Variants in LRBA observed in about 807,000 individuals in gnomAD.
LRBA encodes the protein lipopolysaccharide-responsive and beige-like anchor protein.
LRBA carries 176 observed loss-of-function variants against 330.0 expected under a neutral mutation model. The observed-to-expected ratio is 0.53, with a 90% CI of 0.47 to 0.60. The LOEUF (loss-of-function observed/expected upper bound fraction) is 0.60. LRBA is among the 20% of genes least tolerant of loss of function. The pLI is 0.00. For missense variants in LRBA, 3,259 were observed against 3,444.8 expected (o/e 0.95, Z 1.35); for synonymous variants, 1,230 against 1,193.0 (o/e 1.03, Z -0.64).
intron 34 of LRBA, among the ~76,000 whole-genome samples, chr4:150,786,673 A>G (rs1277267825): frequency 6.6e-6 from 1 of 152,176 alleles, no homozygotes; most frequent in East Asian, 1.9e-4. Context: ...CAATGATTTT[A>G]TCCCCAAACT....
At chr4:150,504,195 C>T (rs930522766) in intron 40 of LRBA, among the ~76,000 whole-genome samples, 1 of 152,152 alleles carries the variant, frequency 6.6e-6, no homozygotes, top group African/African-American at 2.4e-5. Flanking sequence ...AGAACTTCCC[C>T]AATCTAGCAA....
At chr4:150,777,686 C>T (rs545978035) in intron 34 of LRBA, among the ~76,000 whole-genome samples, 1 of 152,078 alleles carries the variant, frequency 6.6e-6, no homozygotes, top group South Asian at 2.1e-4. Context: ...AAGGTCAAAA[C>T]TAGGCAAAAC....
Position 150,828,180 on chromosome 4 carries a change from C to G in LRBA, c.5171G>C (p.Arg1724Thr), listed in dbSNP as rs1461285168. 6.2e-7 allele frequency: 1 copy of G among 1,613,000 alleles called. No homozygotes were observed. The highest frequency in any genetic ancestry group is 1.1e-5 in the South Asian group (1 of 91,010). ...EQPVQFRSFD[R>T]SVIVAAKKSA... The stretch of plus-strand genomic sequence containing the variant: ...CAAAACGAAAAACTATTATCAGTAC[C>G]TGTCAAAAGATCTGAACTGCACGGG... The change falls in exon 30 of 57, where the codon AGA (arginine) becomes ACA (threonine). Residue 1724 changes from arginine (R) to threonine (T), a missense_variant and splice_region_variant. By Grantham distance (71) the Arg-to-Thr change is moderately conservative. Transcript: ENST00000651943.
At chr4:150,582,634 T>G (rs2126386599) in intron 40 of LRBA, 1 of 177,142 alleles carries the variant, frequency 5.6e-6, no homozygotes, top group African/African-American at 2.4e-5. Flanking sequence ...CTGGACAATC[T>G]CGGCTGCAGA....
chr4:150,844,004 T>C (rs939270545), intron 28 of LRBA, 96 bp downstream of exon 28: 12 of 702,292 alleles, frequency 1.7e-5, no homozygotes, highest in Non-Finnish European at 2.9e-5. Context: ...TGCTCCACTA[T>C]TTGATATCAC....
intron 28 of LRBA, 77 bp from the exon 29 acceptor site, chr4:150,832,053 T>C (rs972119112): frequency 2.4e-6 from 2 of 833,942 alleles, no homozygotes; most frequent in Non-Finnish European, 3.5e-6. Flanking sequence ...AATGTTTAAA[T>C]ACAAAACATG....
intron 40 of LRBA, among the ~76,000 whole-genome samples, chr4:150,508,295 T>C (rs1761401954): frequency 6.6e-6 from 1 of 151,242 alleles, no homozygotes; most frequent in South Asian, 2.1e-4. Flanking sequence ...TTGTTTTGTT[T>C]TTTTTGAGAC....
chr4:150,974,908 A>C (rs1439611372), intron 2 of LRBA, among the ~76,000 whole-genome samples: 1 of 152,216 alleles, frequency 6.6e-6, no homozygotes, highest in Non-Finnish European at 1.5e-5. Flanking sequence ...TTGAAAACTG[A>C]ACTGATATTG....
At chr4:151,003,225 T>C (rs767134011) in intron 2 of LRBA, among the ~76,000 whole-genome samples, 1 of 151,708 alleles carries the variant, frequency 6.6e-6, no homozygotes, top group Non-Finnish European at 1.5e-5. Context: ...TGAAACCCCA[T>C]TTCCACTAAA....
At chr4:150,772,829 T>G (rs1736768256) in intron 34 of LRBA, among the ~76,000 whole-genome samples, 1 of 152,016 alleles carries the variant, frequency 6.6e-6, no homozygotes, top group Non-Finnish European at 1.5e-5. Flanking sequence ...TTGTTCTGAG[T>G]TCTACTCAGA....
chr4:150,478,445 G>A (rs753443246), intron 42 of LRBA, among the ~76,000 whole-genome samples: 4 of 152,100 alleles, frequency 2.6e-5, no homozygotes, highest in Non-Finnish European at 4.4e-5. Context: ...CTTGAGTATT[G>A]ACTAAAGATA....
Position 150,487,838 on chromosome 4 carries a change from C to T in LRBA, c.6449-4G>A. 6.6e-7 allele frequency: 1 copy of T among 1,524,184 alleles called. No homozygotes were observed. The highest frequency in any genetic ancestry group is 9.0e-7 in the Non-Finnish European group (1 of 1,109,514). 94.4% of individuals were successfully genotyped at this position (1,524,184 alleles called of 1,614,324 possible). A position where few individuals can be genotyped will look rare whatever the true frequency, so the allele number is the denominator to read the frequency against. On this transcript the variant is annotated splice_region_variant and splice_polypyrimidine_tract_variant and intron_variant, in intron 41 of 56. Transcript: ENST00000651943. ...GGGAAGTTGAACATCACAGCAACTA[C>T]AACAGATGATTTTTAAAAATTAGAA...
At chr4:150,610,156 A>C (rs531598619) in intron 37 of LRBA, among the ~76,000 whole-genome samples, 1 of 152,328 alleles carries the variant, frequency 6.6e-6, no homozygotes, top group African/African-American at 2.4e-5. Flanking sequence ...TGACAAAGGA[A>C]AAGTTTAAGG....
chr4:150,533,176 T>C (rs1764232336), intron 40 of LRBA, among the ~76,000 whole-genome samples: 1 of 152,056 alleles, frequency 6.6e-6, no homozygotes, highest in Admixed American at 6.6e-5. Flanking sequence ...CCCATCTTTT[T>C]TTGTTTGTTT....
intron 47 of LRBA, among the ~76,000 whole-genome samples, chr4:150,356,940 T>C (rs1438000246): frequency 6.6e-6 from 1 of 151,932 alleles, no homozygotes; most frequent in African/African-American, 2.4e-5. Flanking sequence ...TTAAGATCAA[T>C]AAGTCATGAA....
chr4:150,556,193 T>A (rs537356627), intron 40 of LRBA, among the ~76,000 whole-genome samples: 1 of 152,204 alleles, frequency 6.6e-6, no homozygotes, highest in South Asian at 2.1e-4. Context: ...AGAAGCCAAA[T>A]AAACATGCTC....
At chr4:150,905,238 C>T (rs1162282526) in intron 13 of LRBA, among the ~76,000 whole-genome samples, 3 of 151,358 alleles carry the variant, frequency 2.0e-5, no homozygotes, top group Admixed American at 6.6e-5. Context: ...TTTGAATTAA[C>T]GTGAAATTAA....
intron 40 of LRBA, among the ~76,000 whole-genome samples, chr4:150,540,811 G>A (rs1272823448): frequency 6.6e-6 from 1 of 152,126 alleles, no homozygotes. Flanking sequence ...AGAACATCTT[G>A]CTTAGAAACT....
intron 2 of LRBA, among the ~76,000 whole-genome samples, chr4:150,966,592 C>T (rs898397297): frequency 8.6e-5 from 13 of 150,986 alleles, no homozygotes; most frequent in African/African-American, 3.2e-4. Context: ...TCCCAGAGTG[C>T]TGGGATTACA....
Sources: gnomAD v4.1 joint callset for allele counts (sites outside exome capture counted in the v4.1 genomes callset) on GRCh38, gnomAD v4.1.1 for gene constraint, MANE v1.5 for transcripts, NCBI Gene and HGNC (gene_info 2026-07-23, HGNC 2026-07-21) for gene names.